Variants in HCN1 observed in about 807,000 individuals in gnomAD.
HCN1 encodes hyperpolarization activated cyclic nucleotide gated potassium channel 1.
Under a neutral mutation model 78.9 loss-of-function variants are expected in HCN1, and 13 were observed. The ratio of observed to expected loss-of-function variants is 0.16; its 90% CI spans 0.11 to 0.26. HCN1 has a LOEUF of 0.26. Ranked by LOEUF, HCN1 falls within the 10% of genes least tolerant of loss-of-function variation. The pLI is 1.00. For synonymous variants in HCN1, 552 were observed against 455.5 expected (o/e 1.21, Z -2.70); for missense variants, 810 against 1,154.3 (o/e 0.70, Z 4.32).
At chr5:45,484,115 T>A (rs1045514845) in intron 2 of HCN1, among the ~76,000 whole-genome samples, 1 of 152,064 alleles carries the variant, frequency 6.6e-6, no homozygotes, top group Non-Finnish European at 1.5e-5. Flanking sequence ...CAAATCCCCA[T>A]TACATTTTTC....
At chr5:45,429,263 A>T (rs1229461431) in intron 3 of HCN1, among the ~76,000 whole-genome samples, 1 of 152,242 alleles carries the variant, frequency 6.6e-6, no homozygotes, top group Admixed American at 6.5e-5. Flanking sequence ...TTAGTGGATT[A>T]AAATAACAAT....
intron 1 of HCN1, among the ~76,000 whole-genome samples, chr5:45,671,598 C>T (rs1424549610): frequency 6.6e-6 from 1 of 151,214 alleles, no homozygotes; most frequent in Non-Finnish European, 1.5e-5. Context: ...GGACTTATCA[C>T]TTTGATGACT....
intron 4 of HCN1, 114 bp downstream of exon 4, chr5:45,396,377 AT>A: frequency 1.2e-6 from 1 of 854,222 alleles, no homozygotes; most frequent in Non-Finnish European, 1.9e-6. Flanking sequence ...TACTTTAAAC[AT>A]TTTATCTCTT....
In HCN1 at chr5:45,257,631, T is replaced by G. The variant is rs1266528073; in HGVS notation, c.*4290A>C. ...GTCAGCATTAGGGTGAGACAAGAGA[T>G]GCAGGGTTGTGCAAGTGCAGGGTTG... On this transcript the variant is annotated 3_prime_UTR_variant, in exon 8 of 8. Transcript: ENST00000303230. The G allele has an allele frequency of 6.6e-6, 1 of 152,152 alleles. No homozygotes were observed. Among genetic ancestry groups the G allele is most frequent in the Non-Finnish European group, 1.5e-5 (1 of 68,020 alleles). The allele number at this position is 152,152 out of a possible 1,614,324, so 9.4% of individuals were successfully genotyped here.
chr5:45,540,452 C>G (rs2111825804), intron 2 of HCN1, among the ~76,000 whole-genome samples: 1 of 151,984 alleles, frequency 6.6e-6, no homozygotes. Flanking sequence ...GCTCAGCCTC[C>G]CAAGTAGTTG....
intron 2 of HCN1, among the ~76,000 whole-genome samples, chr5:45,577,530 C>T (rs2111913404): frequency 6.6e-6 from 1 of 151,926 alleles, no homozygotes; most frequent in East Asian, 1.9e-4. Context: ...AATTATAGGC[C>T]TAGCATAAAT....
At chr5:45,550,510 G>A (rs545656932) in intron 2 of HCN1, among the ~76,000 whole-genome samples, 5 of 152,178 alleles carry the variant, frequency 3.3e-5, no homozygotes, top group African/African-American at 9.6e-5. Context: ...GTTGGGGCAC[G>A]GGGGAGGGAT....
At chr5:45,583,505 T>A (rs192674864) in intron 2 of HCN1, among the ~76,000 whole-genome samples, 1 of 152,226 alleles carries the variant, frequency 6.6e-6, no homozygotes, top group East Asian at 1.9e-4. Flanking sequence ...TTTTGAAGGG[T>A]TTTTTGTGTC....
At chr5:45,329,032 G>A (rs1746290333) in intron 5 of HCN1, among the ~76,000 whole-genome samples, 1 of 151,582 alleles carries the variant, frequency 6.6e-6, no homozygotes, top group Non-Finnish European at 1.5e-5. Context: ...AAAAGTGGGA[G>A]GCAGATAGGA....
At chr5:45,265,902 T>C (rs1744846974) in intron 7 of HCN1, among the ~76,000 whole-genome samples, 1 of 152,088 alleles carries the variant, frequency 6.6e-6, no homozygotes, top group African/African-American at 2.4e-5. Context: ...TCAGAGGCTA[T>C]AGGAGAATGC....
chr5:45,352,314 G>T (rs988532519), intron 5 of HCN1, among the ~76,000 whole-genome samples: 1 of 150,906 alleles, frequency 6.6e-6, no homozygotes, highest in African/African-American at 2.4e-5. Context: ...TCATAGGTGG[G>T]AATTGAACAA....
intron 2 of HCN1, among the ~76,000 whole-genome samples, chr5:45,619,823 T>C (rs555152315): frequency 1.3e-5 from 2 of 152,208 alleles, no homozygotes; most frequent in East Asian, 3.9e-4. Context: ...CCACAAATTC[T>C]TTGATATTCC....
intron 6 of HCN1, among the ~76,000 whole-genome samples, chr5:45,293,136 C>T (rs549716686): frequency 5.9e-5 from 9 of 151,992 alleles, no homozygotes; most frequent in African/African-American, 1.9e-4. Flanking sequence ...CTGGGTTAAA[C>T]GGTATTTCTG....
intron 2 of HCN1, among the ~76,000 whole-genome samples, chr5:45,487,064 T>C (rs1741783826): frequency 6.6e-6 from 1 of 152,126 alleles, no homozygotes; most frequent in Non-Finnish European, 1.5e-5. Context: ...AATTGTTTCT[T>C]ACTTCCTTAA....
intron 2 of HCN1, among the ~76,000 whole-genome samples, chr5:45,595,465 G>T (rs1302377189): frequency 1.3e-5 from 2 of 152,102 alleles, no homozygotes; most frequent in Admixed American, 1.3e-4. Context: ...AGCCTCCTGA[G>T]TAGCTGGAAT....
intron 6 of HCN1, among the ~76,000 whole-genome samples, chr5:45,296,059 TC>T (rs1394355723): frequency 4.6e-5 from 7 of 152,008 alleles, no homozygotes; most frequent in Non-Finnish European, 8.8e-5. Context: ...ACCCTTGAGG[TC>T]CACCAGTAGC....
At chr5:45,536,778 T>A (rs1032285812) in intron 2 of HCN1, among the ~76,000 whole-genome samples, 3 of 152,164 alleles carry the variant, frequency 2.0e-5, no homozygotes, top group Non-Finnish European at 4.4e-5. Context: ...TGAAAGAAAA[T>A]CTGGATTTTG....
intron 6 of HCN1, among the ~76,000 whole-genome samples, chr5:45,279,447 A>G (rs1026589316): frequency 6.6e-6 from 1 of 152,148 alleles, no homozygotes; most frequent in African/African-American, 2.4e-5. Flanking sequence ...GAGAAGGATA[A>G]GGATGAGAAA....
chr5:45,304,906 A>G lies in HCN1; in HGVS notation c.1378-1067T>C, dbSNP rs137967944. ...TCTGATCAAGGTTAGACATATTTTT[A>G]TCCCTCTGGATGAAAATAGAAATAT... On this transcript the variant is annotated intron_variant, in intron 5 of 7. Coordinates refer to ENST00000303230, the MANE Select transcript of HCN1 (RefSeq NM_021072.4). Among the ~76,000 whole-genome samples, 353 of 152,262 alleles carry G rather than the reference A, an allele frequency of 2.3e-3. 5 individuals are homozygous for G. The South Asian group carries it at 0.033, about 14-fold the overall frequency.
Sources: gnomAD v4.1 joint callset for allele counts (sites outside exome capture counted in the v4.1 genomes callset) on GRCh38, gnomAD v4.1.1 for gene constraint, MANE v1.5 for transcripts, NCBI Gene and HGNC (gene_info 2026-07-23, HGNC 2026-07-21) for gene names.